Variants in CD36 observed in about 807,000 individuals in gnomAD.
CD36 encodes CD36 molecule (CD36 blood group), also known as platelet glycoprotein 4.
CD36 carries 119 observed loss-of-function variants against 55.2 expected under a neutral mutation model. The ratio of observed to expected loss-of-function variants is 2.15; its 90% CI spans 1.86 to 2.51. The LOEUF is 2.51. Ranked by LOEUF, CD36 falls within the 30% of genes most tolerant of loss-of-function variation. The pLI, the probability that CD36 is intolerant of heterozygous loss-of-function variation, is 0.00. For synonymous variants in CD36, 186 were observed against 193.6 expected (o/e 0.96, Z 0.33); for missense variants, 819 against 555.5 (o/e 1.47, Z -4.77).
intron 1 of CD36, among the ~76,000 whole-genome samples, chr7:80,643,782 T>A (rs1159364005): frequency 6.6e-6 from 1 of 152,158 alleles, no homozygotes. Flanking sequence ...GTAGAGAGAT[T>A]ATGTGGCTTG....
Position 80,672,823 on chromosome 7 carries a change from C to A in CD36, c.1179C>A (p.Val393=). ...FAKRLQVNLL[V]KPSEKIQVLK... Reference sequence around the variant, plus strand: ...AACGGCTGCAGGTCAACCTATTGGTCAAGCCATCAGAAAAAATTCAGTGAG... The same window carrying A: ...AACGGCTGCAGGTCAACCTATTGGTAAAGCCATCAGAAAAAATTCAGTGAG... Residue 393 remains valine, a synonymous_variant, in exon 12 of 15, where the codon GTC becomes GTA. Coordinates refer to ENST00000447544, the MANE Select transcript of CD36 (RefSeq NM_001001548.3). 1 of 1,610,128 alleles carries A rather than the reference C, an allele frequency of 6.2e-7. No homozygotes were observed. The highest frequency in any genetic ancestry group is 1.1e-5 in the South Asian group (1 of 90,892).
chr7:80,672,740 T>C lies in CD36; in HGVS notation c.1126-30T>C. 3 of 1,460,814 alleles carry C rather than the reference T, an allele frequency of 2.1e-6. 1 individual carries two copies. The highest frequency in any genetic ancestry group is 2.3e-5 in the South Asian group (2 of 86,498). 90.5% of individuals were successfully genotyped at this position (1,460,814 alleles called of 1,614,324 possible). A position where few individuals can be genotyped will look rare whatever the true frequency, so the allele number is the denominator to read the frequency against. ...TAGTATAAAATAATGTTTTTAAAAG[T>C]TGGTAATTATTTAGTTGTTCTCTTT... On this transcript the variant is annotated intron_variant, in intron 11 of 14. Transcript: ENST00000447544.
chr7:80,631,506 T>C (rs921783032), intron 1 of CD36, among the ~76,000 whole-genome samples: 2 of 151,938 alleles, frequency 1.3e-5, no homozygotes, highest in Non-Finnish European at 2.9e-5. Flanking sequence ...AAAGTTTAAA[T>C]GTGGAAATTC....
chr7:80,619,917 A>G (rs1793367081), intron 1 of CD36, among the ~76,000 whole-genome samples: 1 of 152,162 alleles, frequency 6.6e-6, no homozygotes, highest in Non-Finnish European at 1.5e-5. Flanking sequence ...GAAAACTAGA[A>G]TTAGAAGTGA....
intron 3 of CD36, among the ~76,000 whole-genome samples, chr7:80,649,614 C>T (rs1259199005): frequency 6.6e-6 from 1 of 151,836 alleles, no homozygotes; most frequent in Non-Finnish European, 1.5e-5. Context: ...TATGTATATA[C>T]CTTACAAAGT....
intron 8 of CD36, among the ~76,000 whole-genome samples, chr7:80,666,947 T>G (rs529883559): frequency 6.6e-6 from 1 of 152,324 alleles, no homozygotes; most frequent in East Asian, 1.9e-4. Flanking sequence ...CATCCATTTT[T>G]GGATAAGGTG....
chr7:80,635,717 CT>C (rs1396230753), upstream of CD36, among the ~76,000 whole-genome samples: 1 of 152,128 alleles, frequency 6.6e-6, no homozygotes, highest in Non-Finnish European at 1.5e-5. Flanking sequence ...AAGTCATACA[CT>C]TAGGAAGTGA....
At chr7:80,670,132 C>G in intron 9 of CD36, 110 bp downstream of exon 9, 1 of 763,566 alleles carries the variant, frequency 1.3e-6, no homozygotes, top group Non-Finnish European at 2.3e-6. Flanking sequence ...TATTAACTAA[C>G]TCTTTGCAAA....
At chr7:80,660,867 G>A (rs1481046505) in intron 4 of CD36, among the ~76,000 whole-genome samples, 196 bp from the exon 5 acceptor site, 1 of 152,052 alleles carries the variant, frequency 6.6e-6, no homozygotes, top group Non-Finnish European at 1.5e-5. Flanking sequence ...TTAATTTCCA[G>A]TTTGCCAGTT....
chr7:80,654,107 A>G (rs1248822619), intron 3 of CD36, among the ~76,000 whole-genome samples: 2 of 152,078 alleles, frequency 1.3e-5, no homozygotes, highest in African/African-American at 4.8e-5. Context: ...GTCGCTAGAG[A>G]TATTTTTTAA....
chr7:80,643,746 C>T (rs1004875033), intron 1 of CD36, among the ~76,000 whole-genome samples: 1 of 152,174 alleles, frequency 6.6e-6, no homozygotes, highest in African/African-American at 2.4e-5. Context: ...TTTATCATCT[C>T]ATTTTACGCA....
chr7:80,610,250 T>C (rs1486460920), intron 1 of CD36, among the ~76,000 whole-genome samples: 3 of 152,210 alleles, frequency 2.0e-5, no homozygotes, highest in African/African-American at 7.2e-5. Flanking sequence ...TCATCATCAT[T>C]ACTCTTATTT....
chr7:80,633,259 T>TA (rs1428692509), intron 1 of CD36: 1 of 152,062 alleles, frequency 6.6e-6, no homozygotes, highest in Non-Finnish European at 1.5e-5. Flanking sequence ...AGATGGCCTG[T>TA]AAAATTTACA....
chr7:80,614,589 T>C (rs949746980), intron 1 of CD36, among the ~76,000 whole-genome samples: 4 of 152,152 alleles, frequency 2.6e-5, no homozygotes, highest in African/African-American at 9.7e-5. Flanking sequence ...CTCTGTATCT[T>C]AATCTTTGCT....
chr7:80,670,940 G>A (rs756685069), intron 9 of CD36, 37 bp from the exon 10 acceptor site: 2 of 1,425,500 alleles, frequency 1.4e-6, no homozygotes, highest in Non-Finnish European at 2.0e-6. Flanking sequence ...TGTAAGTTCA[G>A]GTTCCTGGAA....
chr7:80,608,891 C>T (rs888932463), intron 1 of CD36, among the ~76,000 whole-genome samples: 1 of 152,134 alleles, frequency 6.6e-6, no homozygotes, highest in Non-Finnish European at 1.5e-5. Flanking sequence ...CTAAGTATTT[C>T]TGAAATCTTT....
chr7:80,673,182 A>G, intron 12 of CD36, 173 bp from the exon 13 acceptor site: 1 of 529,384 alleles, frequency 1.9e-6, no homozygotes, highest in South Asian at 3.0e-5. Flanking sequence ...ATGTGATTAG[A>G]AGACATATAA....
intron 1 of CD36, among the ~76,000 whole-genome samples, chr7:80,618,604 C>T (rs1793295767): frequency 6.6e-6 from 1 of 152,198 alleles, no homozygotes; most frequent in African/African-American, 2.4e-5. Context: ...GAAAGTCAAA[C>T]TGCCTTATTG....
intron 1 of CD36, among the ~76,000 whole-genome samples, chr7:80,629,037 T>G (rs1793913114): frequency 6.6e-6 from 1 of 152,158 alleles, no homozygotes; most frequent in Non-Finnish European, 1.5e-5. Context: ...TAGATTGACT[T>G]TTTCTTTTAG....
Sources: allele counts gnomAD v4.1 joint callset (sites outside exome capture counted in the v4.1 genomes callset), GRCh38; gene constraint gnomAD v4.1.1; transcripts MANE v1.5; gene names NCBI Gene and HGNC (gene_info 2026-07-23, HGNC 2026-07-21).